ARL13A: variants seen among roughly 807,000 people sequenced by gnomAD.
ARL13A encodes the protein ADP-ribosylation factor-like protein 13A.
In ARL13A, 16 loss-of-function variants were observed where a neutral mutation model predicts 19.1. That is an observed-to-expected ratio of 0.84 (90% CI 0.57 to 1.27). ARL13A has a LOEUF of 1.27. ARL13A is among the 50% of genes most tolerant of loss of function. The probability of loss-of-function intolerance (pLI) is 0.00; values close to 1 mark genes in which losing one functional copy is unlikely to be tolerated. For synonymous variants in ARL13A, 69 were observed against 71.3 expected, an observed-to-expected ratio of 0.97 and a Z score of 0.17; for missense variants, 153 against 186.4, an observed-to-expected ratio of 0.82 and a Z score of 1.04.
intron 4 of ARL13A, 107 bp downstream of exon 4, chrX:100,986,023 G>A: frequency 1.0e-6 from 1 of 976,268 alleles, no homozygotes; most frequent in Non-Finnish European, 1.4e-6. Flanking sequence ...TAGGCCTCCT[G>A]TTCCCTTAGG....
rs1319920372 is a variant in ARL13A, at chrX:100,990,605, G to A, written c.*17G>A. On this transcript the variant is annotated 3_prime_UTR_variant, in exon 8 of 8. Coordinates refer to ENST00000450049, the MANE Select transcript of ARL13A (RefSeq NM_001162491.2). Reference sequence around the variant, plus strand: ...ACTCACTGAGAGGCTCAAGAAGAGTGAGATGGCATCCATTGAGAATGAAGA... The same window carrying A: ...ACTCACTGAGAGGCTCAAGAAGAGTAAGATGGCATCCATTGAGAATGAAGA... 6 of 1,152,688 alleles carry A rather than the reference G, an allele frequency of 5.2e-6. No individual in the cohort carries two copies. In the Admixed American group the frequency reaches 1.3e-4, roughly 25 times the overall value. 95.0% of individuals were successfully genotyped at this position (1,152,688 alleles called of 1,213,427 possible).
intron 3 of ARL13A, among the ~76,000 whole-genome samples, chrX:100,979,975 G>A (rs1351824469): frequency 3.6e-5 from 4 of 110,987 alleles, no homozygotes; most frequent in African/African-American, 1.3e-4. Flanking sequence ...GTGCTGAGCT[G>A]CCTGGAGTTG....
At position 100,987,555 on chromosome X, in the gene ARL13A, A is replaced by T; in HGVS notation, c.652A>T (p.Ser218Cys). 8.3e-7 allele frequency: 1 copy of T among 1,207,919 alleles called. No individual in the cohort carries two copies. Among genetic ancestry groups the T allele is most frequent in the Non-Finnish European group, 1.1e-6 (1 of 894,250 alleles). Residue 218 changes from serine (S) to cysteine (C), a missense_variant and splice_region_variant, in exon 6 of 8, where the codon AGC becomes TGC. Coordinates refer to ENST00000450049, the MANE Select transcript of ARL13A (RefSeq NM_001162491.2). ...CTCTGGAGAAAGATGCTCATCACAC[A>T]GGTACTGAGATGCCGCTATGAGATT... ...TGSGERCSSH[S>C]FSTRTGMSKE...
chrX:100,975,527 T>C (rs1235928429), intron 3 of ARL13A, among the ~76,000 whole-genome samples: 1 of 111,847 alleles, frequency 8.9e-6, no homozygotes, highest in Non-Finnish European at 1.9e-5. Context: ...CTTTAGCCTG[T>C]GGCCTTTTAG....
chrX:100,974,959 G>A (rs2085737816), intron 3 of ARL13A, among the ~76,000 whole-genome samples: 1 of 111,422 alleles, frequency 9.0e-6, no homozygotes, highest in East Asian at 2.8e-4. Context: ...TACCTGAAGT[G>A]CTCATCAATT....
At chrX:100,977,084 C>T (rs1934258052) in intron 3 of ARL13A, among the ~76,000 whole-genome samples, 1 of 111,506 alleles carries the variant, frequency 9.0e-6, no homozygotes, top group African/African-American at 3.3e-5. Context: ...TTATGAGATA[C>T]GTGAGATACG....
At chrX:100,985,578 G>A in intron 3 of ARL13A, 89 bp from the exon 4 acceptor site, 4 of 1,059,004 alleles carry the variant, frequency 3.8e-6, no homozygotes, top group Non-Finnish European at 3.8e-6. Context: ...ATAGACAACT[G>A]CATGAAATCG....
At chrX:100,989,337 C>T (rs186709396) in intron 7 of ARL13A, among the ~76,000 whole-genome samples, 10 of 111,318 alleles carry the variant, frequency 9.0e-5, no homozygotes, top group Non-Finnish European at 1.3e-4. Context: ...TTTGGCCAGG[C>T]GTAGTGGCTC....
intron 3 of ARL13A, among the ~76,000 whole-genome samples, chrX:100,975,889 C>T (rs1480123555): frequency 2.7e-5 from 3 of 110,864 alleles, no homozygotes; most frequent in African/African-American, 9.9e-5. Flanking sequence ...CTGCCTCAGC[C>T]TCCCAAAGTG....
rs386419376 is a variant in ARL13A at position 100,982,649 on chromosome X, C to CTTT, written c.131-3004_131-3002dup. On this transcript the variant is annotated intron_variant, in intron 3 of 7. Transcript: ENST00000450049. ...AAGGGCCTATGGAATCTACAGTTTT[C>CTTT]TTTTTTTTTTTTTTTTGAGACAGAG... Among the ~76,000 whole-genome samples the CTTT allele has an allele frequency of 3.3e-4, 28 of 84,475 alleles. No individual in the cohort carries two copies. In the East Asian group the frequency reaches 1.0e-2, roughly 30 times the overall value. The allele number at this position is 84,475 out of a possible 115,157, so 73.4% of individuals were successfully genotyped here.
intron 1 of ARL13A, among the ~76,000 whole-genome samples, chrX:100,973,436 G>A (rs1227248554): frequency 6.6e-5 from 7 of 106,570 alleles, no homozygotes; most frequent in Admixed American, 2.0e-4. Flanking sequence ...GGCGCTCGCC[G>A]GCGCGGCGGC....
At chrX:100,988,509 G>T (rs766250384) in intron 7 of ARL13A, 2 of 1,165,493 alleles carry the variant, frequency 1.7e-6, no homozygotes, top group East Asian at 3.2e-5. Context: ...ACAATTGAAG[G>T]AGTGGCTTAT....
At position 100,981,028 on chromosome X, in the gene ARL13A, G is replaced by A. The variant is rs754943557; in HGVS notation, c.131-4639G>A. On this transcript the variant is annotated intron_variant, in intron 3 of 7. Transcript: ENST00000450049. ...CCTGGAGCTGCAAGCTGTGCTGCCC[G>A]GCACTGGTGGGAGGGGTGACACAAG... Among the ~76,000 whole-genome samples the A allele has an allele frequency of 5.4e-4, 60 of 111,792 alleles. 1 individual carries two copies. Among genetic ancestry groups the A allele is most frequent in the Admixed American group, 9.4e-4 (10 of 10,606 alleles).
chrX:100,981,196 C>T lies in ARL13A; in HGVS notation c.131-4471C>T, dbSNP rs145898462. On this transcript the variant is annotated intron_variant, in intron 3 of 7. Transcript: ENST00000450049. ...CTGCCTTTTAAATTTATTTAGCACC[C>T]CAGAGCACTTCAGGCCATGGTGGCA... 9.5e-4 allele frequency among the ~76,000 whole-genome samples: 106 copies of T among 111,779 alleles called. 1 individual carries two copies. In the East Asian group the frequency reaches 0.028, roughly 29 times the overall value.
At position 100,985,542 on chromosome X, in the gene ARL13A, C is replaced by T. The variant is rs1302200501; in HGVS notation, c.131-125C>T. 5.2e-6 allele frequency: 4 copies of T among 776,120 alleles called. No individual in the cohort carries two copies. The African/African-American group carries it at 6.3e-5, about 12-fold the overall frequency. 64.0% of individuals were successfully genotyped at this position (776,120 alleles called of 1,213,427 possible). A position where few individuals can be genotyped will look rare whatever the true frequency, so the allele number is the denominator to read the frequency against. On this transcript the variant is annotated intron_variant, in intron 3 of 7. Coordinates refer to ENST00000450049, the MANE Select transcript of ARL13A (RefSeq NM_001162491.2). ...CTTTGTGATTGCTTTTCCTCTCTTC[C>T]CCTCTGCATAGTACTTCCCAGCAGG...
chrX:100,983,438 C>T (rs1210766034), intron 3 of ARL13A, among the ~76,000 whole-genome samples: 8 of 110,486 alleles, frequency 7.2e-5, no homozygotes, highest in Admixed American at 1.9e-4. Flanking sequence ...CTCACTGCAA[C>T]CTCTGCCTCC....
chrX:100,970,713 A>G (rs2085641341), intron 1 of ARL13A, among the ~76,000 whole-genome samples: 1 of 111,827 alleles, frequency 8.9e-6, no homozygotes, highest in South Asian at 3.8e-4. Flanking sequence ...GTTGAAAAAA[A>G]AAAAGCCTGG....
At chrX:100,986,771 C>T in intron 4 of ARL13A, 25 bp from the exon 5 acceptor site, 2 of 1,082,282 alleles carry the variant, frequency 1.8e-6, no homozygotes, top group Non-Finnish European at 2.5e-6. Flanking sequence ...CACTCTTTTC[C>T]TCCCTCTCTC....
At chrX:100,987,115 A>G (rs2085946203) in intron 5 of ARL13A, among the ~76,000 whole-genome samples, 1 of 112,056 alleles carries the variant, frequency 8.9e-6, no homozygotes, top group Admixed American at 9.5e-5. Flanking sequence ...TCCCCATTTT[A>G]TGGATAAAAA....
Sources: gnomAD v4.1 joint callset for allele counts (sites outside exome capture counted in the v4.1 genomes callset) on GRCh38, gnomAD v4.1.1 for gene constraint, MANE v1.5 for transcripts, NCBI Gene and HGNC (gene_info 2026-07-23, HGNC 2026-07-21) for gene names.